CRYL1: variants seen among roughly 807,000 people sequenced by gnomAD.
The protein encoded by CRYL1 is lambda-crystallin homolog.
A neutral mutation model predicts 36.6 loss-of-function variants in CRYL1; 29 were observed. That is an observed-to-expected ratio of 0.79 (90% CI 0.59 to 1.08). The LOEUF (loss-of-function observed/expected upper bound fraction) is 1.08. CRYL1 is among the 50% of genes least tolerant of loss of function. CRYL1 has a pLI of 0.00. For synonymous variants in CRYL1, 152 were observed against 151.5 expected, an observed-to-expected ratio of 1.00 and a Z score of -0.02; for missense variants, 411 against 407.9, an observed-to-expected ratio of 1.01 and a Z score of -0.06.
At chr13:20,439,531 GAAAA>G (rs67447037) in intron 4 of CRYL1, 58 bp downstream of exon 4, 12 of 495,602 alleles carry the variant, frequency 2.4e-5, no homozygotes, top group Admixed American at 1.6e-4. Flanking sequence ...AAAAAAAAAA[GAAAA>G]AAAAAAAACA....
chr13:20,490,273 T>C (rs1370631152), intron 2 of CRYL1, among the ~76,000 whole-genome samples: 1 of 152,196 alleles, frequency 6.6e-6, no homozygotes, highest in Non-Finnish European at 1.5e-5. Flanking sequence ...GTGCCTGTAA[T>C]CTCAGCTACT....
chr13:20,513,739 G>A (rs2137512058), intron 1 of CRYL1: 1 of 152,248 alleles, frequency 6.6e-6, no homozygotes, highest in East Asian at 1.9e-4. Flanking sequence ...TGTTCAAAGA[G>A]TGAAAAACAA....
intron 3 of CRYL1, among the ~76,000 whole-genome samples, chr13:20,474,726 C>A (rs540823901): frequency 6.6e-6 from 1 of 152,162 alleles, no homozygotes; most frequent in African/African-American, 2.4e-5. Flanking sequence ...CAGGGGGACA[C>A]ACACAACCTT....
intron 5 of CRYL1, among the ~76,000 whole-genome samples, chr13:20,422,006 A>G (rs190749191): frequency 4.2e-4 from 64 of 152,246 alleles, no homozygotes; most frequent in African/African-American, 1.3e-3. Flanking sequence ...CACCCACAAA[A>G]TAATAAATAA....
intron 1 of CRYL1, among the ~76,000 whole-genome samples, chr13:20,514,468 C>A (rs2033967399): frequency 6.6e-6 from 1 of 152,114 alleles, no homozygotes; most frequent in South Asian, 2.1e-4. Flanking sequence ...CTGTTAGGGT[C>A]ATCAAAAACA....
intron 1 of CRYL1, among the ~76,000 whole-genome samples, chr13:20,514,369 C>G (rs1363659205): frequency 6.6e-6 from 1 of 152,174 alleles, no homozygotes; most frequent in East Asian, 1.9e-4. Flanking sequence ...TCCCCAAAAC[C>G]CATAGCACCA....
intron 3 of CRYL1, among the ~76,000 whole-genome samples, chr13:20,452,713 T>C (rs1209232299): frequency 6.6e-6 from 1 of 152,142 alleles, no homozygotes; most frequent in African/African-American, 2.4e-5. Flanking sequence ...CTTTGGGTGA[T>C]TAATATGTGT....
intron 7 of CRYL1, 32 bp from the exon 8 acceptor site, chr13:20,404,274 T>C: frequency 7.2e-7 from 1 of 1,380,464 alleles, no homozygotes; most frequent in Non-Finnish European, 1.0e-6. Flanking sequence ...AAAAGGACAA[T>C]AAAGAGGAAA....
chr13:20,496,924 G>A (rs2033614964), intron 2 of CRYL1, among the ~76,000 whole-genome samples: 1 of 151,348 alleles, frequency 6.6e-6, no homozygotes, highest in South Asian at 2.1e-4. Flanking sequence ...CTAATTTTTT[G>A]GAAAATTGGA....
intron 2 of CRYL1, among the ~76,000 whole-genome samples, chr13:20,500,186 A>G (rs2033679239): frequency 6.6e-6 from 1 of 152,224 alleles, no homozygotes; most frequent in South Asian, 2.1e-4. Context: ...TTTGTTTGAA[A>G]TATTGCTCAT....
rs374822935 is a variant in CRYL1 at position 20,410,555 on chromosome 13, T to TA, written c.739+2726dup. ...TAATAATAATAAATAAATAAATAAATAAAATCCTAATCTGTATTTATTCCT... is the reference window on the plus strand; with the variant it reads ...TAATAATAATAAATAAATAAATAAATAAAAATCCTAATCTGTATTTATTCCT... On this transcript the variant is annotated intron_variant, in intron 6 of 7. Coordinates refer to ENST00000298248, the MANE Select transcript of CRYL1 (RefSeq NM_015974.3). 7.8e-3 allele frequency among the ~76,000 whole-genome samples: 1,182 copies of TA among 152,146 alleles called. 13 individuals carry two copies. The highest frequency in any genetic ancestry group is 0.028 in the African/African-American group (1,144 of 41,508).
chr13:20,478,934 T>G (rs1045445044), intron 3 of CRYL1, among the ~76,000 whole-genome samples: 5 of 152,010 alleles, frequency 3.3e-5, no homozygotes, highest in African/African-American at 1.2e-4. Flanking sequence ...TTTTTTTTTT[T>G]TTGTATTTTA....
At chr13:20,475,648 C>T (rs374201274) in intron 3 of CRYL1, among the ~76,000 whole-genome samples, 2 of 152,004 alleles carry the variant, frequency 1.3e-5, no homozygotes, top group African/African-American at 4.8e-5. Context: ...CCATTAGCTG[C>T]GGGTCATAGG....
intron 6 of CRYL1, among the ~76,000 whole-genome samples, chr13:20,412,479 A>C (rs779408217): frequency 2.0e-5 from 3 of 152,198 alleles, no homozygotes; most frequent in Non-Finnish European, 4.4e-5. Context: ...AGTTACTTAT[A>C]ATCTCAGTAC....
intron 2 of CRYL1, among the ~76,000 whole-genome samples, chr13:20,508,064 C>CA (rs34853401): frequency 6.6e-6 from 1 of 150,626 alleles, no homozygotes; most frequent in Non-Finnish European, 1.5e-5. Context: ...CCTGTCTCTA[C>CA]AAAAAAATAC....
In CRYL1 at chr13:20,471,135, GTGTT is replaced by G. The variant is rs564762811; in HGVS notation, c.276+18231_276+18234del. On this transcript the variant is annotated intron_variant, in intron 3 of 7. Transcript: ENST00000298248. The stretch of plus-strand genomic sequence containing the variant: ...AACTGCAGTACGGGGGTGGTTGTGT[GTGTT>G]AGCGTAAATTCACGTGAAAGAGTAT... Among the ~76,000 whole-genome samples, 604 of 152,252 alleles carry G rather than the reference GTGTT, an allele frequency of 4.0e-3. 3 individuals are homozygous for G. The highest frequency in any genetic ancestry group is 0.014 in the African/African-American group (587 of 41,552).
At chr13:20,498,706 T>A (rs2033654667) in intron 2 of CRYL1, among the ~76,000 whole-genome samples, 1 of 152,214 alleles carries the variant, frequency 6.6e-6, no homozygotes. Context: ...TTATTTACCT[T>A]TTCAGTAAAA....
intron 4 of CRYL1, among the ~76,000 whole-genome samples, chr13:20,436,486 G>C (rs4770030): frequency 0.56 from 85,845 of 152,106 alleles, 25,156 homozygotes; most frequent in East Asian, 0.88. Context: ...GTGGGAATTC[G>C]GGAGTCACTG....
intron 3 of CRYL1, among the ~76,000 whole-genome samples, chr13:20,468,060 G>A (rs1376334236): frequency 1.3e-5 from 2 of 151,994 alleles, no homozygotes; most frequent in Non-Finnish European, 2.9e-5. Flanking sequence ...GAAGCCATTC[G>A]CACCTCCCCC....
Sources: gnomAD v4.1 joint callset for allele counts (sites outside exome capture counted in the v4.1 genomes callset) on GRCh38, gnomAD v4.1.1 for gene constraint, MANE v1.5 for transcripts, NCBI Gene and HGNC (gene_info 2026-07-23, HGNC 2026-07-21) for gene names.